The following CLEC4C variants were observed in gnomAD, a reference collection of about 807,000 sequenced individuals.
CLEC4C encodes C-type lectin domain family 4 member C, also known as C-type (calcium dependent, carbohydrate-recognition domain) lectin, superfamily member 11.
A neutral mutation model predicts 27.7 loss-of-function variants in CLEC4C; 17 were observed. The ratio of observed to expected loss-of-function variants is 0.61; its 90% CI spans 0.42 to 0.92. CLEC4C has a LOEUF of 0.92. CLEC4C is among the 40% of genes least tolerant of loss of function. The pLI, the probability that CLEC4C is intolerant of heterozygous loss-of-function variation, is 0.00. For missense variants in CLEC4C, 244 were observed against 257.3 expected (o/e 0.95, Z 0.35); for synonymous variants, 80 against 80.8 (o/e 0.99, Z 0.06).
rs7964335 is a variant in CLEC4C, at chr12:7,735,728, A to G, written c.381+1701T>C. On this transcript the variant is annotated intron_variant, in intron 4 of 5. Transcript: ENST00000360345. ...ACAGAGAGGAGAATCGCTTGAACGC[A>G]GGAGGTGGAGGTTGCAGTGAGCTGA... Among the ~76,000 whole-genome samples the G allele has an allele frequency of 4.6e-3, 698 of 151,576 alleles. 4 individuals are homozygous for G. The highest frequency in any genetic ancestry group is 0.016 in the African/African-American group (661 of 41,332).
chr12:7,737,604 A>T (rs777752009), intron 3 of CLEC4C, 30 bp from the exon 4 acceptor site: 4 of 1,592,432 alleles, frequency 2.5e-6, no homozygotes, highest in Non-Finnish European at 3.4e-6. Flanking sequence ...AGAAGAAAAA[A>T]TATTAACAGA....
chr12:7,747,993 T>C (rs1865023310), upstream of CLEC4C, among the ~76,000 whole-genome samples: 1 of 150,636 alleles, frequency 6.6e-6, no homozygotes. Flanking sequence ...ATCAGCAGTA[T>C]GAAAACGGAC....
At chr12:7,740,668 T>C (rs1266077954) in intron 3 of CLEC4C, among the ~76,000 whole-genome samples, 1 of 142,796 alleles carries the variant, frequency 7.0e-6, no homozygotes, top group Non-Finnish European at 1.5e-5. Context: ...GCCACTGCAC[T>C]CCAGCCTGGG....
chr12:7,748,787 A>C (rs1370341812), upstream of CLEC4C, among the ~76,000 whole-genome samples: 1 of 152,204 alleles, frequency 6.6e-6, no homozygotes, highest in African/African-American at 2.4e-5. Context: ...AAAGGAGCAA[A>C]GGCAAAAATG....
chr12:7,736,576 C>T (rs1303577524), intron 4 of CLEC4C, among the ~76,000 whole-genome samples: 2 of 151,984 alleles, frequency 1.3e-5, no homozygotes, highest in Admixed American at 1.3e-4. Flanking sequence ...ATTTCAACAT[C>T]AATGTTTGCC....
rs116227251 is a variant in CLEC4C, at chr12:7,745,724, C to T, written c.124+607G>A. ...CTGGGATTACAGGCATGAGCTACCA[C>T]GCCTGGCCCAGTCTATGGTATTTTG... On this transcript the variant is annotated intron_variant, in intron 2 of 5. Coordinates refer to ENST00000360345, the MANE Select transcript of CLEC4C (RefSeq NM_001371390.1). 8.9e-3 allele frequency among the ~76,000 whole-genome samples: 1,344 copies of T among 151,820 alleles called. 27 individuals carry two copies. Among genetic ancestry groups the T allele is most frequent in the African/African-American group, 0.03 (1,225 of 41,404 alleles).
At chr12:7,731,444 A>G (rs960911289) in intron 4 of CLEC4C, among the ~76,000 whole-genome samples, 5 of 152,214 alleles carry the variant, frequency 3.3e-5, no homozygotes, top group African/African-American at 1.2e-4. Flanking sequence ...TTTCTCTAAA[A>G]TAATTCTCTA....
Position 7,746,332 on chromosome 12 carries a change from C to G in CLEC4C, c.123G>C (p.Val41=), listed in dbSNP as rs1221749624. 6 of 1,607,166 alleles carry G rather than the reference C, an allele frequency of 3.7e-6. No individual in the cohort carries two copies. The highest frequency in any genetic ancestry group is 5.1e-6 in the Non-Finnish European group (6 of 1,174,190). Reference sequence around the variant, plus strand: ...ACTGCACTCCAGCCAAGAACTTACCCACAGAACTCACAGTGAAACAGACAC... The same window carrying G: ...ACTGCACTCCAGCCAAGAACTTACCGACAGAACTCACAGTGAAACAGACAC... ...LLSVCFTVSS[V]VPHNFMYSKT... Residue 41 remains valine, a splice_region_variant and synonymous_variant, in exon 2 of 6, where the codon GTG becomes GTC. Transcript: ENST00000360345.
At chr12:7,746,474 G>A (rs760800981) in intron 1 of CLEC4C, 51 bp from the exon 2 acceptor site, 4 of 1,210,056 alleles carry the variant, frequency 3.3e-6, no homozygotes, top group Non-Finnish European at 4.9e-6. Context: ...CTGCCAAAGA[G>A]CCAGGAAACC....
chr12:7,740,967 A>C (rs1864840344), intron 3 of CLEC4C, among the ~76,000 whole-genome samples: 1 of 151,304 alleles, frequency 6.6e-6, no homozygotes, highest in Non-Finnish European at 1.5e-5. Flanking sequence ...CAGCCTCCCG[A>C]GTAGCTGGGA....
intron 3 of CLEC4C, among the ~76,000 whole-genome samples, chr12:7,740,863 C>T (rs1188670727): frequency 5.5e-5 from 8 of 145,762 alleles, no homozygotes; most frequent in Non-Finnish European, 7.5e-5. Flanking sequence ...TTTTTTGAGA[C>T]GGAGTCTCGC....
rs755912079 is a variant in CLEC4C, at chr12:7,729,756, AG to A, written c.498-17del. The A allele has an allele frequency of 1.9e-6, 3 of 1,612,680 alleles. No homozygotes were observed. Among genetic ancestry groups the A allele is most frequent in the Non-Finnish European group, 2.5e-6 (3 of 1,179,140 alleles). On this transcript the variant is annotated splice_polypyrimidine_tract_variant and intron_variant, in intron 5 of 5. Transcript: ENST00000360345. ...GTGCCAGAATCTGAAAGGTAGATAAAGGACAGTGGTGTTTTGAAACCGTGGT... is the reference window on the plus strand; with the variant it reads ...GTGCCAGAATCTGAAAGGTAGATAAAGACAGTGGTGTTTTGAAACCGTGGT...
intron 4 of CLEC4C, among the ~76,000 whole-genome samples, chr12:7,733,756 C>A (rs1366165668): frequency 1.3e-5 from 2 of 152,028 alleles, no homozygotes; most frequent in African/African-American, 4.8e-5. Flanking sequence ...GCTGGGATTA[C>A]AGGCGTGAGC....
At chr12:7,741,983 T>C (rs763917400) in intron 2 of CLEC4C, among the ~76,000 whole-genome samples, 2 of 152,046 alleles carry the variant, frequency 1.3e-5, no homozygotes, top group Non-Finnish European at 2.9e-5. Context: ...ACCGCGCCAT[T>C]GCACTCCAGC....
chr12:7,745,573 C>T (rs1474062707), intron 2 of CLEC4C, among the ~76,000 whole-genome samples: 1 of 151,474 alleles, frequency 6.6e-6, no homozygotes, highest in Non-Finnish European at 1.5e-5. Flanking sequence ...GCTGGGATTA[C>T]AGGCGCGAGT....
chr12:7,743,844 A>G (rs980697663), intron 2 of CLEC4C, among the ~76,000 whole-genome samples: 1 of 152,134 alleles, frequency 6.6e-6, no homozygotes, highest in Non-Finnish European at 1.5e-5. Context: ...GAGACTTGGT[A>G]TTTATAAAGA....
intron 2 of CLEC4C, among the ~76,000 whole-genome samples, chr12:7,745,218 C>T (rs1044399398): frequency 6.6e-6 from 1 of 151,882 alleles, no homozygotes; most frequent in African/African-American, 2.4e-5. Context: ...GGGGGGCTCT[C>T]ATGGTGAGAT....
At chr12:7,749,409 G>T (rs1865054988), upstream of CLEC4C, 1 of 151,968 alleles carries the variant, frequency 6.6e-6, no homozygotes, top group South Asian at 2.1e-4. Context: ...CAAAAAATTA[G>T]CCAAGCATGG....
At chr12:7,733,152 G>A (rs767422267) in intron 4 of CLEC4C, among the ~76,000 whole-genome samples, 6 of 151,832 alleles carry the variant, frequency 4.0e-5, no homozygotes, top group Non-Finnish European at 4.4e-5. Flanking sequence ...GTTGTCAAAC[G>A]TCACACAACT....
Sources: gnomAD v4.1 joint callset for allele counts (sites outside exome capture counted in the v4.1 genomes callset) on GRCh38, gnomAD v4.1.1 for gene constraint, MANE v1.5 for transcripts, NCBI Gene and HGNC (gene_info 2026-07-23, HGNC 2026-07-21) for gene names.